WDR64: variants seen among roughly 807,000 people sequenced by gnomAD.
WDR64 encodes WD repeat-containing protein 64.
In WDR64, 112 loss-of-function variants were observed where a neutral mutation model predicts 139.3. The observed-to-expected ratio is 0.80, with a 90% CI of 0.69 to 0.94. The LOEUF is 0.94. Ranked by LOEUF, WDR64 falls within the 40% of genes least tolerant of loss-of-function variation. WDR64 has a pLI of 0.00. For synonymous variants in WDR64, 444 were observed against 437.7 expected (o/e 1.01, Z -0.18); for missense variants, 1,206 against 1,293.1 (o/e 0.93, Z 1.03).
At chr1:241,750,984 TTA>T (rs1270264875) in intron 14 of WDR64, among the ~76,000 whole-genome samples, 2 of 152,200 alleles carry the variant, frequency 1.3e-5, no homozygotes, top group East Asian at 1.9e-4. Flanking sequence ...CTTATTATTA[TTA>T]GTGTATTACT....
chr1:241,787,780 CT>C, intron 23 of WDR64, 68 bp from the exon 24 acceptor site: 1 of 1,365,708 alleles, frequency 7.3e-7, no homozygotes, highest in Non-Finnish European at 9.9e-7. Context: ...CATAAACGAT[CT>C]AATGAACAGA....
At chr1:241,675,113 CTCCCTCCCTCCTTCCCTCCT>C (rs1175634896) in intron 4 of WDR64, among the ~76,000 whole-genome samples, 10 of 98,268 alleles carry the variant, frequency 1.0e-4, no homozygotes, top group African/African-American at 4.5e-4. Context: ...TCCTTCCTTC[CTCCCTCCCTCCTTCCCTCCT>C]TCCCTCCCTT....
chr1:241,796,502 T>C, intron 27 of WDR64, 132 bp downstream of exon 27: 1 of 680,356 alleles, frequency 1.5e-6, no homozygotes, highest in South Asian at 2.3e-5. Context: ...CTTTTTTTTT[T>C]TTTTCTTGAG....
chr1:241,674,482 T>C (rs1410690586), intron 3 of WDR64, among the ~76,000 whole-genome samples, 162 bp from the exon 4 acceptor site: 1 of 152,062 alleles, frequency 6.6e-6, no homozygotes, highest in Non-Finnish European at 1.5e-5. Flanking sequence ...CTTGAACTCC[T>C]GGACTTGAGC....
intron 2 of WDR64, among the ~76,000 whole-genome samples, chr1:241,669,908 C>T (rs370897811): frequency 6.6e-6 from 1 of 152,146 alleles, no homozygotes; most frequent in East Asian, 1.9e-4. Flanking sequence ...CAGACCCACT[C>T]CAGACCTACT....
intron 2 of WDR64, among the ~76,000 whole-genome samples, chr1:241,661,609 TA>T (rs1362455755): frequency 6.6e-6 from 1 of 152,154 alleles, no homozygotes; most frequent in Non-Finnish European, 1.5e-5. Context: ...CAGGGAACTA[TA>T]AGACAATTTT....
In WDR64 at chr1:241,744,529, T is replaced by C; in HGVS notation, c.1594+13T>C. ...GGAGCGTATAATGGTCAGACTAACA[T>C]CCAGAATGTGGCGTCCCTGCTTTAG... On this transcript the variant is annotated intron_variant, in intron 13 of 27. Transcript: ENST00000437684. 2 of 1,612,618 alleles carry C rather than the reference T, an allele frequency of 1.2e-6. No individual in the cohort carries two copies. The highest frequency in any genetic ancestry group is 8.5e-7 in the Non-Finnish European group (1 of 1,179,624).
intron 2 of WDR64, among the ~76,000 whole-genome samples, chr1:241,667,431 C>T (rs1666063358): frequency 6.6e-6 from 1 of 152,162 alleles, no homozygotes; most frequent in Admixed American, 6.5e-5. Flanking sequence ...TGAACATAGA[C>T]ACTGCTGGGA....
At chr1:241,734,309 T>C (rs1471512114) in intron 10 of WDR64, among the ~76,000 whole-genome samples, 1 of 152,128 alleles carries the variant, frequency 6.6e-6, no homozygotes, top group Admixed American at 6.6e-5. Context: ...CCCGACCACC[T>C]TGGGTACATG....
chr1:241,735,533 C>CTCCCTTTTTTTT (rs1553373537), intron 10 of WDR64, among the ~76,000 whole-genome samples: 3 of 103,514 alleles, frequency 2.9e-5, no homozygotes, highest in African/African-American at 1.1e-4. Flanking sequence ...CTCTCTCTCT[C>CTCCCTTTTTTTT]TTTTTTTTTT....
chr1:241,679,656 T>A, intron 6 of WDR64, 61 bp downstream of exon 6: 1 of 1,357,194 alleles, frequency 7.4e-7, no homozygotes, highest in Non-Finnish European at 1.0e-6. Context: ...TGGTACGATA[T>A]GAGCAATCCA....
chr1:241,717,023 T>C (rs1430781674), intron 9 of WDR64, among the ~76,000 whole-genome samples: 1 of 152,198 alleles, frequency 6.6e-6, no homozygotes, highest in East Asian at 1.9e-4. Context: ...ATAATGCCCA[T>C]TTCAGGGGAT....
chr1:241,785,505 T>A (rs573281947), intron 23 of WDR64, among the ~76,000 whole-genome samples: 1 of 152,316 alleles, frequency 6.6e-6, no homozygotes, highest in South Asian at 2.1e-4. Context: ...CTTCGGGGAT[T>A]AAGTTTCAAC....
chr1:241,776,946 A>G (rs563508297), intron 21 of WDR64, among the ~76,000 whole-genome samples: 10 of 152,266 alleles, frequency 6.6e-5, no homozygotes, highest in Admixed American at 1.3e-4. Context: ...CCTCATCTAC[A>G]TTATAACTAA....
At position 241,703,582 on chromosome 1, in the gene WDR64, T is replaced by A. The variant is rs1667817161; in HGVS notation, c.975-8220T>A. On this transcript the variant is annotated intron_variant, in intron 8 of 27. Coordinates refer to ENST00000437684, the MANE Select transcript of WDR64 (RefSeq NM_001367482.1). This position sits in a 1 kb window ranked among gnomAD's most constrained non-coding sequence, Gnocchi z 5.9. Reference sequence around the variant, plus strand: ...CTTCCCAGAATCAATACATTTCTATTCTGTGTGACTCCGGGAAGTGGTTAT... The same window carrying A: ...CTTCCCAGAATCAATACATTTCTATACTGTGTGACTCCGGGAAGTGGTTAT... 6.6e-6 allele frequency among the ~76,000 whole-genome samples: 1 copy of A among 152,160 alleles called. No homozygotes were observed. Among genetic ancestry groups the A allele is most frequent in the Non-Finnish European group, 1.5e-5 (1 of 68,024 alleles).
intron 9 of WDR64, among the ~76,000 whole-genome samples, chr1:241,712,379 A>G (rs1230122869): frequency 3.3e-5 from 5 of 152,240 alleles, no homozygotes. Context: ...TTTAAGGGAT[A>G]GGTTAGGTAG....
intron 10 of WDR64, among the ~76,000 whole-genome samples, chr1:241,731,056 A>G (rs995176964): frequency 6.6e-6 from 1 of 152,230 alleles, no homozygotes; most frequent in African/African-American, 2.4e-5. Flanking sequence ...TTATATCTAT[A>G]TTGCTTTACA....
chr1:241,708,709 TTTG>T (rs1558483808), intron 8 of WDR64, among the ~76,000 whole-genome samples: 2,947 of 63,832 alleles, frequency 0.046, 415 homozygotes, highest in African/African-American at 0.17. Flanking sequence ...TTTTTGTTTT[TTTG>T]TTTTTTTTTT....
In WDR64 at chr1:241,795,284, C is replaced by T; in HGVS notation, c.3075C>T (p.Tyr1025=). The T allele has an allele frequency of 6.2e-7, 1 of 1,612,640 alleles. No homozygotes were observed. Among genetic ancestry groups the T allele is most frequent in the African/African-American group, 1.3e-5 (1 of 74,980 alleles). Residue 1025 remains tyrosine, a synonymous_variant, in exon 26 of 28, where the codon TAC becomes TAT. Coordinates refer to ENST00000437684, the MANE Select transcript of WDR64 (RefSeq NM_001367482.1). The part of the protein sequence containing the change: ...AGIVFGSLPI[Y]SISSPTSLRF... ...TTGTTTTCGGCTCTCTGCCTATATA[C>T]AGTGTGAGTTGGAGTTTCTAGGAGT...
Sources: gnomAD v4.1 joint callset for allele counts (sites outside exome capture counted in the v4.1 genomes callset) on GRCh38, gnomAD v4.1.1 for gene constraint, Gnocchi (gnomAD v3.1) non-coding constraint, MANE v1.5 for transcripts, NCBI Gene and HGNC (gene_info 2026-07-23, HGNC 2026-07-21) for gene names.